KIF13A: variants seen among roughly 807,000 people sequenced by gnomAD.
KIF13A encodes the protein kinesin family member 13A.
KIF13A carries 79 observed loss-of-function variants against 212.2 expected under a neutral mutation model. That is an observed-to-expected ratio of 0.37 (90% CI 0.31 to 0.45). The LOEUF (loss-of-function observed/expected upper bound fraction) is 0.45, where lower values mean the gene tolerates loss of function less well. KIF13A is among the 20% of genes least tolerant of loss of function. The probability of loss-of-function intolerance (pLI) is 1.00; values close to 1 mark genes in which losing one functional copy is unlikely to be tolerated. For missense variants in KIF13A, 1,901 were observed against 2,209.0 expected (o/e 0.86, Z 2.79); for synonymous variants, 789 against 808.6 (o/e 0.98, Z 0.41).
chr6:17,812,719 A>G (rs1030183098), intron 17 of KIF13A: 1 of 152,162 alleles, frequency 6.6e-6, no homozygotes, highest in African/African-American at 2.4e-5. Context: ...GGGTGAAATG[A>G]TAGTTCTGTT....
At position 17,900,080 on chromosome 6, in the gene KIF13A, G is replaced by A. The variant is rs996496650; in HGVS notation, c.147-1900C>T. ...AAAAGAGGAAAGAAAAGTCACTTGG[G>A]TTACAATAAGGCCATTATATGAAAC... On this transcript the variant is annotated intron_variant, in intron 2 of 38. Coordinates refer to ENST00000259711, the MANE Select transcript of KIF13A (RefSeq NM_022113.6). The surrounding 1 kb of genome is among the most constrained non-coding windows in gnomAD (Gnocchi z 4.6). Among the ~76,000 whole-genome samples the A allele has an allele frequency of 1.3e-5, 2 of 152,136 alleles. No homozygotes were observed. The highest frequency in any genetic ancestry group is 2.9e-5 in the Non-Finnish European group (2 of 68,026).
Position 17,972,983 on chromosome 6 carries a change from T to C in KIF13A, c.146+14071A>G, listed in dbSNP as rs147362997. 3.9e-5 allele frequency among the ~76,000 whole-genome samples: 6 copies of C among 152,252 alleles called. No individual in the cohort carries two copies. The East Asian group carries it at 9.6e-4, about 24-fold the overall frequency. On this transcript the variant is annotated intron_variant, in intron 2 of 38. Coordinates refer to ENST00000259711, the MANE Select transcript of KIF13A (RefSeq NM_022113.6). The stretch of plus-strand genomic sequence containing the variant: ...GAGCCCCATGGAATCAATAACCACT[T>C]TGCTTTTGAAAGAAAGGGGAAGAGG...
intron 2 of KIF13A, among the ~76,000 whole-genome samples, chr6:17,964,809 A>T (rs1581880504): frequency 6.6e-6 from 1 of 151,128 alleles, no homozygotes; most frequent in East Asian, 1.9e-4. Flanking sequence ...GAATTCTGAA[A>T]GTTTTGTGGT....
intron 4 of KIF13A, among the ~76,000 whole-genome samples, chr6:17,861,320 A>T (rs1249100900): frequency 6.6e-6 from 1 of 152,220 alleles, no homozygotes; most frequent in African/African-American, 2.4e-5. Context: ...CTGTTTTAAG[A>T]CAAGAAATAA....
chr6:17,811,830 CCT>C lies in KIF13A; in HGVS notation c.2001-2902_2001-2901del, dbSNP rs1763454053. Among the ~76,000 whole-genome samples, 1 of 151,256 alleles carries C rather than the reference CCT, an allele frequency of 6.6e-6. No homozygotes were observed. Among genetic ancestry groups the C allele is most frequent in the Non-Finnish European group, 1.5e-5 (1 of 67,858 alleles). On this transcript the variant is annotated intron_variant, in intron 17 of 38. Transcript: ENST00000259711. The surrounding 1 kb of genome is among the most constrained non-coding windows in gnomAD (Gnocchi z 6.0). ...CCTTCCTTCCTTCCTTCTCTCCCTC[CCT>C]TTTTCTTTCTTTCCTTCTCTCTCTC... is the stretch of plus-strand genomic sequence containing the variant.
intron 3 of KIF13A, among the ~76,000 whole-genome samples, chr6:17,874,301 G>A (rs1388909445): frequency 6.7e-6 from 1 of 149,382 alleles, no homozygotes; most frequent in Non-Finnish European, 1.5e-5. Context: ...GTGGTGGTGG[G>A]GGGGGTTCTT....
chr6:17,907,570 A>T (rs555179893), intron 2 of KIF13A, among the ~76,000 whole-genome samples: 10 of 151,184 alleles, frequency 6.6e-5, no homozygotes, highest in Admixed American at 5.9e-4. Flanking sequence ...AAAAAAAAGG[A>T]ACTGGTATGA....
chr6:17,824,417 A>G (rs906202125), intron 16 of KIF13A, among the ~76,000 whole-genome samples: 3 of 152,142 alleles, frequency 2.0e-5, no homozygotes, highest in African/African-American at 7.2e-5. Flanking sequence ...ATAGGCTCAA[A>G]GAGTAAAGTG....
rs181705965 is a variant in KIF13A at position 17,793,517 on chromosome 6, T to A, written c.3222+732A>T. Reference sequence around the variant, plus strand: ...TGAGAATGTTTAGAAAATGAAGATTTAATGAGCAAAAATGATCATAAGGAC... The same window carrying A: ...TGAGAATGTTTAGAAAATGAAGATTAAATGAGCAAAAATGATCATAAGGAC... On this transcript the variant is annotated intron_variant, in intron 25 of 38. Transcript: ENST00000259711. Among the ~76,000 whole-genome samples, 5 of 152,308 alleles carry A rather than the reference T, an allele frequency of 3.3e-5. No individual in the cohort carries two copies. The East Asian group carries it at 9.6e-4, about 29-fold the overall frequency.
At position 17,975,229 on chromosome 6, in the gene KIF13A, T is replaced by C. The variant is rs961458452; in HGVS notation, c.146+11825A>G. 2.0e-5 allele frequency among the ~76,000 whole-genome samples: 3 copies of C among 152,206 alleles called. 1 individual carries two copies. Among genetic ancestry groups the C allele is most frequent in the Non-Finnish European group, 4.4e-5 (3 of 68,024 alleles). On this transcript the variant is annotated intron_variant, in intron 2 of 38. Transcript: ENST00000259711. Reference sequence around the variant, plus strand: ...ACTAGCAGGCGGGGTGGCAGGTTTCTGTAATCCCAGCTACTCGGAAGGCTC... The same window carrying C: ...ACTAGCAGGCGGGGTGGCAGGTTTCCGTAATCCCAGCTACTCGGAAGGCTC...
chr6:17,954,591 A>C (rs1349085490), intron 2 of KIF13A, among the ~76,000 whole-genome samples: 1 of 152,174 alleles, frequency 6.6e-6, no homozygotes, highest in Admixed American at 6.5e-5. Flanking sequence ...TCTTTTCAAT[A>C]TTATATCTTC....
Position 17,898,275 on chromosome 6 carries a change from T to C in KIF13A, c.147-95A>G. The C allele has an allele frequency of 1.5e-5, 19 of 1,240,626 alleles. No individual in the cohort carries two copies. In the South Asian group the frequency reaches 2.4e-4, roughly 16 times the overall value. 76.9% of individuals were successfully genotyped at this position (1,240,626 alleles called of 1,614,324 possible). ...AGGGAAACAATGAAAGAGAAAAAAA[T>C]AAGGTAAATTCAGCACCTTGATAAC... On this transcript the variant is annotated intron_variant, in intron 2 of 38. Transcript: ENST00000259711. The surrounding 1 kb of genome is among the most constrained non-coding windows in gnomAD (Gnocchi z 5.2).
In KIF13A at chr6:17,837,415, G is replaced by T; in HGVS notation, c.942+57C>A. 2 of 1,184,570 alleles carry T rather than the reference G, an allele frequency of 1.7e-6. No individual in the cohort carries two copies. Among genetic ancestry groups the T allele is most frequent in the Non-Finnish European group, 2.5e-6 (2 of 811,626 alleles). The allele number at this position is 1,184,570 out of a possible 1,614,324, so 73.4% of individuals were successfully genotyped here. ...TTAGCTTTGTACACACCTTTACTCT[G>T]TCACATCTGGAATAGCCAATTTTTA... is the stretch of plus-strand genomic sequence containing the variant. On this transcript the variant is annotated intron_variant, in intron 10 of 38. Coordinates refer to ENST00000259711, the MANE Select transcript of KIF13A (RefSeq NM_022113.6). This position sits in a 1 kb window ranked among gnomAD's most constrained non-coding sequence, Gnocchi z 5.4.
At chr6:17,980,113 G>A (rs1315807046) in intron 2 of KIF13A, among the ~76,000 whole-genome samples, 2 of 151,740 alleles carry the variant, frequency 1.3e-5, no homozygotes, top group East Asian at 3.9e-4. Flanking sequence ...ACAAAAATAG[G>A]GAAAAAACTT....
chr6:17,870,571 A>T (rs1000211525), intron 4 of KIF13A, among the ~76,000 whole-genome samples: 1 of 152,132 alleles, frequency 6.6e-6, no homozygotes, highest in Non-Finnish European at 1.5e-5. Context: ...AAAGAAAGAG[A>T]AAAACAATCT....
In KIF13A at chr6:17,811,023, C is replaced by T. The variant is rs1050574027; in HGVS notation, c.2001-2093G>A. Among the ~76,000 whole-genome samples, 1 of 152,216 alleles carries T rather than the reference C, an allele frequency of 6.6e-6. No individual in the cohort carries two copies. The highest frequency in any genetic ancestry group is 1.5e-5 in the Non-Finnish European group (1 of 68,044). On this transcript the variant is annotated intron_variant, in intron 17 of 38. Coordinates refer to ENST00000259711, the MANE Select transcript of KIF13A (RefSeq NM_022113.6). The surrounding 1 kb of genome is among the most constrained non-coding windows in gnomAD (Gnocchi z 6.0). ...TAGACTACACGAAACAGTTCTTTTG[C>T]AGTCTCCCAAATACATCTTAATTCT...
At chr6:17,779,186 GA>G in intron 32 of KIF13A, 87 bp from the exon 33 acceptor site, 1 of 995,194 alleles carries the variant, frequency 1.0e-6, no homozygotes, top group Non-Finnish European at 1.5e-6. Context: ...TAGAAGTCTG[GA>G]GAATGAACAC....
At chr6:17,775,856 T>G (rs1173284532) in intron 34 of KIF13A, among the ~76,000 whole-genome samples, 1 of 152,160 alleles carries the variant, frequency 6.6e-6, no homozygotes, top group Non-Finnish European at 1.5e-5. Flanking sequence ...AATATTTTTT[T>G]TTTTAGATTA....
chr6:17,849,445 C>T lies in KIF13A; in HGVS notation c.762G>A (p.Ala254=), dbSNP rs531653111. Residue 254 remains alanine, a synonymous_variant, in exon 9 of 39, where the codon GCG becomes GCA. Transcript: ENST00000259711. This position sits in a 1 kb window ranked among gnomAD's most constrained non-coding sequence, Gnocchi z 5.7. ...KVSKVSLVDL[A]GSERVSKTGA... is the part of the protein sequence containing the mutation. ...CTGTTTTAGATACTCTTTCGCTACCCGCCAGGTCTACCAAGCTGACCTTAC... is the reference window on the plus strand; with the variant it reads ...CTGTTTTAGATACTCTTTCGCTACCTGCCAGGTCTACCAAGCTGACCTTAC... The T allele has an allele frequency of 6.3e-5, 102 of 1,613,578 alleles. No homozygotes were observed. The highest frequency in any genetic ancestry group is 8.0e-5 in the Non-Finnish European group (94 of 1,179,784).
Sources: allele counts gnomAD v4.1 joint callset (sites outside exome capture counted in the v4.1 genomes callset), GRCh38; gene constraint gnomAD v4.1.1; non-coding constraint Gnocchi (gnomAD v3.1); transcripts MANE v1.5; gene names NCBI Gene and HGNC (gene_info 2026-07-23, HGNC 2026-07-21).